The following RGS21 variants were observed in gnomAD, a reference collection of about 807,000 sequenced individuals.
RGS21 encodes regulator of G protein signaling 21.
Under a neutral mutation model 18.7 loss-of-function variants are expected in RGS21, and 19 were observed. The observed-to-expected ratio is 1.01, with a 90% CI of 0.71 to 1.49. The LOEUF is 1.49. Ranked by LOEUF, RGS21 falls within the 40% of genes most tolerant of loss-of-function variation. The pLI, the probability that RGS21 is intolerant of heterozygous loss-of-function variation, is 0.00. For synonymous variants in RGS21, 56 were observed against 57.8 expected (o/e 0.97, Z 0.14); for missense variants, 194 against 176.8 (o/e 1.10, Z -0.55).
chr1:192,367,139 T>G lies in RGS21; in HGVS notation c.*1015T>G, dbSNP rs1185744646. On this transcript the variant is annotated 3_prime_UTR_variant, in exon 5 of 5. Coordinates refer to ENST00000417209, the MANE Select transcript of RGS21 (RefSeq NM_001039152.3). ...TTTGCACAGATTTATTTATCTGCATTGATATTTCTGCTTTTAGATTGTTTG... is the reference window on the plus strand; with the variant it reads ...TTTGCACAGATTTATTTATCTGCATGGATATTTCTGCTTTTAGATTGTTTG... The G allele has an allele frequency of 6.6e-6, 1 of 152,094 alleles. No individual in the cohort carries two copies. Among genetic ancestry groups the G allele is most frequent in the African/African-American group, 2.4e-5 (1 of 41,454 alleles). The allele number at this position is 152,094 out of a possible 1,614,324, so 9.4% of individuals were successfully genotyped here. A position where few individuals can be genotyped will look rare whatever the true frequency, so the allele number is the denominator to read the frequency against.
chr1:192,364,130 T>C (rs1659223178), intron 4 of RGS21, among the ~76,000 whole-genome samples: 1 of 152,144 alleles, frequency 6.6e-6, no homozygotes, highest in African/African-American at 2.4e-5. Flanking sequence ...CTGTAAGTGT[T>C]AGAGGACAGA....
intron 2 of RGS21, among the ~76,000 whole-genome samples, chr1:192,343,312 A>T (rs869096341): frequency 2.0e-5 from 3 of 152,018 alleles, no homozygotes; most frequent in South Asian, 2.1e-4. Flanking sequence ...TGTTTTTTTT[A>T]AATTATGAGA....
intron 1 of RGS21, among the ~76,000 whole-genome samples, chr1:192,333,951 T>A (rs1658727314): frequency 6.6e-6 from 1 of 152,194 alleles, no homozygotes; most frequent in Non-Finnish European, 1.5e-5. Context: ...TGTGAATATA[T>A]AATTATGTCA....
In RGS21 at chr1:192,347,301, T is replaced by C; in HGVS notation, c.12-12T>C. On this transcript the variant is annotated splice_polypyrimidine_tract_variant and intron_variant, in intron 2 of 4. Transcript: ENST00000417209. ...AAGAAGAAAAAGATCACAATGCTAT[T>C]GTCAAGGTTAGATGCTGTTTCTACA... The C allele has an allele frequency of 1.3e-6, 2 of 1,535,292 alleles. No individual in the cohort carries two copies. The highest frequency in any genetic ancestry group is 1.7e-5 in the Admixed American group (1 of 59,692).
At chr1:192,337,450 T>C (rs1296891516) in intron 1 of RGS21, among the ~76,000 whole-genome samples, 1 of 152,096 alleles carries the variant, frequency 6.6e-6, no homozygotes, top group Non-Finnish European at 1.5e-5. Context: ...GTTAAAATAC[T>C]CTTTTTAAAA....
At chr1:192,359,913 C>A (rs914830156) in intron 4 of RGS21, among the ~76,000 whole-genome samples, 1 of 151,376 alleles carries the variant, frequency 6.6e-6, no homozygotes, top group Non-Finnish European at 1.5e-5. Context: ...CATACATCAC[C>A]AGAATTGACT....
At chr1:192,360,808 T>C (rs1659178105) in intron 4 of RGS21, among the ~76,000 whole-genome samples, 1 of 152,188 alleles carries the variant, frequency 6.6e-6, no homozygotes, top group Non-Finnish European at 1.5e-5. Flanking sequence ...TAATATTTCA[T>C]AGTCATAATA....
intron 2 of RGS21, 74 bp from the exon 3 acceptor site, chr1:192,347,239 C>T (rs1194678686): frequency 4.4e-6 from 4 of 909,518 alleles, no homozygotes; most frequent in Non-Finnish European, 7.2e-6. Flanking sequence ...AATGATGTAA[C>T]TCAAAATACA....
rs1019818016 is a variant in RGS21 at position 192,367,164 on chromosome 1, G to C, written c.*1040G>C. 1 of 151,780 alleles carries C rather than the reference G, an allele frequency of 6.6e-6. No individual in the cohort carries two copies. The highest frequency in any genetic ancestry group is 1.5e-5 in the Non-Finnish European group (1 of 67,886). 9.4% of individuals were successfully genotyped at this position (151,780 alleles called of 1,614,324 possible). ...TGATATTTCTGCTTTTAGATTGTTT[G>C]AACATTAAAAAATGGAGGAAAAATA... On this transcript the variant is annotated 3_prime_UTR_variant, in exon 5 of 5. Transcript: ENST00000417209.
rs144037778 is a variant in RGS21, at chr1:192,341,413, G to A, written c.-60-1564G>A. On this transcript the variant is annotated intron_variant, in intron 1 of 4. Transcript: ENST00000417209. ...TAAACCCACTGGACCAAAAGCTGAC[G>A]GTATTTAGATGTCCCAACAGTATCT... Among the ~76,000 whole-genome samples, 90 of 152,106 alleles carry A rather than the reference G, an allele frequency of 5.9e-4. 2 individuals are homozygous for A. In the East Asian group the frequency reaches 0.014, roughly 24 times the overall value.
intron 3 of RGS21, among the ~76,000 whole-genome samples, chr1:192,351,639 T>G (rs994761000): frequency 2.7e-5 from 4 of 149,252 alleles, no homozygotes; most frequent in African/African-American, 9.8e-5. Context: ...AAGCTAATTG[T>G]AGAAATATAT....
chr1:192,361,392 TAGAG>T (rs940982973), intron 4 of RGS21, among the ~76,000 whole-genome samples: 86 of 152,114 alleles, frequency 5.7e-4, no homozygotes, highest in African/African-American at 2.0e-3. Context: ...GTAAAAGAAA[TAGAG>T]AGAAGATAGT....
At chr1:192,330,291 G>A (rs1308290820) in intron 1 of RGS21, among the ~76,000 whole-genome samples, 1 of 152,096 alleles carries the variant, frequency 6.6e-6, no homozygotes, top group African/African-American at 2.4e-5. Context: ...TGAAATCCAT[G>A]GGTAGAATTT....
At chr1:192,323,655 A>G (rs1658526355) in intron 1 of RGS21, among the ~76,000 whole-genome samples, 1 of 152,124 alleles carries the variant, frequency 6.6e-6, no homozygotes, top group African/African-American at 2.4e-5. Flanking sequence ...AGATGCTTAG[A>G]CGCTTATGGA....
chr1:192,348,826 T>C (rs1658993172), intron 3 of RGS21, among the ~76,000 whole-genome samples: 1 of 152,076 alleles, frequency 6.6e-6, no homozygotes, highest in African/African-American at 2.4e-5. Context: ...GAATAAAAAT[T>C]AGAATATTAG....
Position 192,343,322 on chromosome 1 carries a change from A to C in RGS21, c.11+275A>C, listed in dbSNP as rs1658901417. On this transcript the variant is annotated intron_variant, in intron 2 of 4. Transcript: ENST00000417209. ...CTTTATGTTTTTTTTAAATTATGAGATGAATTAGAGACATAACATATACAT... is the reference window on the plus strand; with the variant it reads ...CTTTATGTTTTTTTTAAATTATGAGCTGAATTAGAGACATAACATATACAT... Among the ~76,000 whole-genome samples the C allele has an allele frequency of 2.0e-5, 3 of 151,918 alleles. No individual in the cohort carries two copies. The South Asian group carries it at 6.2e-4, about 32-fold the overall frequency.
rs563547904 is a variant in RGS21 at position 192,331,962 on chromosome 1, A to C, written c.-60-11015A>C. Among the ~76,000 whole-genome samples the C allele has an allele frequency of 2.6e-5, 4 of 152,192 alleles. No individual in the cohort carries two copies. In the East Asian group the frequency reaches 7.7e-4, roughly 29 times the overall value. On this transcript the variant is annotated intron_variant, in intron 1 of 4. Transcript: ENST00000417209. ...AGAAATCCTTTTTAATTTTGGGGAAATTATTTGATGTAAAAAAAATACAAC... is the reference window on the plus strand; with the variant it reads ...AGAAATCCTTTTTAATTTTGGGGAACTTATTTGATGTAAAAAAAATACAAC...
chr1:192,333,180 C>G (rs1658685185), intron 1 of RGS21, among the ~76,000 whole-genome samples: 2 of 151,676 alleles, frequency 1.3e-5, no homozygotes, highest in South Asian at 4.2e-4. Flanking sequence ...ACAAAAATCT[C>G]ATTAGGATGC....
intron 1 of RGS21, among the ~76,000 whole-genome samples, chr1:192,326,377 C>A (rs1003406576): frequency 2.0e-5 from 3 of 152,006 alleles, no homozygotes; most frequent in Admixed American, 2.0e-4. Context: ...AATTTTAACT[C>A]TACAGCTTGC....
Sources: allele counts gnomAD v4.1 joint callset (sites outside exome capture counted in the v4.1 genomes callset), GRCh38; gene constraint gnomAD v4.1.1; transcripts MANE v1.5; gene names NCBI Gene and HGNC (gene_info 2026-07-23, HGNC 2026-07-21).